The following BICD1 variants were observed in gnomAD, a reference collection of about 807,000 sequenced individuals.
BICD1 encodes protein bicaudal D homolog 1.
Under a neutral mutation model 92.5 loss-of-function variants are expected in BICD1, and 35 were observed. That is an observed-to-expected ratio of 0.38 (90% CI 0.29 to 0.50). The LOEUF (loss-of-function observed/expected upper bound fraction) is 0.50, where lower values mean the gene tolerates loss of function less well. Among genes scored for constraint, BICD1 ranks in the 20% least tolerant of loss-of-function variants. BICD1 has a pLI of 0.93. For missense variants in BICD1, 950 were observed against 1,189.8 expected (o/e 0.80, Z 2.97); for synonymous variants, 429 against 465.1 (o/e 0.92, Z 1.00).
intron 1 of BICD1, chr12:32,108,379 C>T (rs1388395313): frequency 1.4e-5 from 4 of 279,532 alleles, no homozygotes; most frequent in Non-Finnish European, 2.7e-5. Flanking sequence ...TAAAGCCTGT[C>T]GGATGTATGG....
chr12:32,337,386 A>T lies in BICD1; in HGVS notation c.2253-113A>T. 2 of 921,188 alleles carry T rather than the reference A, an allele frequency of 2.2e-6. No homozygotes were observed. Among genetic ancestry groups the T allele is most frequent in the Non-Finnish European group, 3.3e-6 (2 of 607,718 alleles). 57.1% of individuals were successfully genotyped at this position (921,188 alleles called of 1,614,324 possible). ...ATCTACATTCTATTGCTAGACCTTTAAACCAGTCTTCTAAATTTCTAAATT... is the reference window on the plus strand; with the variant it reads ...ATCTACATTCTATTGCTAGACCTTTTAACCAGTCTTCTAAATTTCTAAATT... On this transcript the variant is annotated intron_variant, in intron 6 of 9. Coordinates refer to ENST00000652176, the MANE Select transcript of BICD1 (RefSeq NM_001714.4). The surrounding 1 kb of genome is among the most constrained non-coding windows in gnomAD (Gnocchi z 4.7).
chr12:32,315,294 T>G (rs1165674589), intron 4 of BICD1, among the ~76,000 whole-genome samples: 2 of 152,230 alleles, frequency 1.3e-5, no homozygotes, highest in Non-Finnish European at 2.9e-5. Flanking sequence ...TGGGCTTATT[T>G]CTAGACTTTC....
At chr12:32,368,435 C>T (rs1395283932) in intron 9 of BICD1, among the ~76,000 whole-genome samples, 1 of 152,136 alleles carries the variant, frequency 6.6e-6, no homozygotes, top group African/African-American at 2.4e-5. Context: ...TGGCTCACAC[C>T]CGTAATCCCA....
intron 1 of BICD1, among the ~76,000 whole-genome samples, chr12:32,142,424 A>C (rs1384248424): frequency 0.012 from 292 of 25,044 alleles, 3 homozygotes; most frequent in African/African-American, 0.048. Context: ...AAAAAAAAAA[A>C]AAAAAAACAA....
intron 1 of BICD1, among the ~76,000 whole-genome samples, chr12:32,147,518 T>C (rs1247800436): frequency 1.3e-5 from 2 of 152,236 alleles, no homozygotes; most frequent in Non-Finnish European, 2.9e-5. Context: ...TAAAGTTAAA[T>C]GATCTGTGAT....
At chr12:32,251,978 A>C (rs980426749) in intron 2 of BICD1, among the ~76,000 whole-genome samples, 8 of 134,684 alleles carry the variant, frequency 5.9e-5, no homozygotes, top group African/African-American at 2.0e-4. Flanking sequence ...AAACTTTACC[A>C]CTATATATAT....
chr12:32,180,796 A>G (rs541286944), intron 1 of BICD1, among the ~76,000 whole-genome samples: 20 of 152,058 alleles, frequency 1.3e-4, no homozygotes, highest in Admixed American at 1.2e-3. Context: ...AGATTATCTC[A>G]TTTAACCCTG....
intron 1 of BICD1, among the ~76,000 whole-genome samples, chr12:32,198,326 C>CATATATATATATATATA: frequency 8.9e-6 from 1 of 112,250 alleles, no homozygotes; most frequent in East Asian, 2.6e-4. Context: ...TAATATGCAT[C>CATATATATATATATATA]TATCTATATA....
intron 1 of BICD1, among the ~76,000 whole-genome samples, chr12:32,149,887 C>A (rs953312439): frequency 2.0e-5 from 3 of 152,170 alleles, no homozygotes; most frequent in Admixed American, 2.0e-4. Context: ...ACTTGTAATA[C>A]TATCGTATTC....
intron 1 of BICD1, among the ~76,000 whole-genome samples, chr12:32,161,174 A>T (rs1307923276): frequency 1.3e-5 from 2 of 152,232 alleles, no homozygotes; most frequent in African/African-American, 4.8e-5. Context: ...AAAAGATCTT[A>T]GCCTGAAAAC....
At chr12:32,317,532 G>T (rs1007762863) in intron 4 of BICD1, among the ~76,000 whole-genome samples, 3 of 152,048 alleles carry the variant, frequency 2.0e-5, no homozygotes, top group Non-Finnish European at 4.4e-5. Context: ...TTCATATCCT[G>T]CACCCACTTT....
chr12:32,221,331 C>T (rs916075049), intron 2 of BICD1, among the ~76,000 whole-genome samples: 5 of 147,934 alleles, frequency 3.4e-5, no homozygotes, highest in Admixed American at 6.8e-5. Flanking sequence ...AATTAATAAA[C>T]GTTATCTGTA....
At position 32,245,855 on chromosome 12, in the gene BICD1, C is replaced by A. The variant is rs189489170; in HGVS notation, c.426+29396C>A. On this transcript the variant is annotated intron_variant, in intron 2 of 9. Coordinates refer to ENST00000652176, the MANE Select transcript of BICD1 (RefSeq NM_001714.4). ...GACCAGTCTGGCCAACATAGTGAAA[C>A]CCCTTCTCTACTAAAAATACAAAAA... Among the ~76,000 whole-genome samples the A allele has an allele frequency of 3.7e-4, 56 of 150,948 alleles. No homozygotes were observed. In the East Asian group the frequency reaches 0.01, roughly 28 times the overall value.
intron 2 of BICD1, among the ~76,000 whole-genome samples, chr12:32,292,351 T>C (rs1037906458): frequency 2.0e-5 from 3 of 152,206 alleles, no homozygotes; most frequent in Non-Finnish European, 4.4e-5. Context: ...TGTCAGTTTC[T>C]GTGTGGCTGA....
intron 2 of BICD1, among the ~76,000 whole-genome samples, chr12:32,265,781 C>T (rs1013517285): frequency 4.6e-5 from 7 of 151,540 alleles, no homozygotes; most frequent in African/African-American, 1.5e-4. Flanking sequence ...TGTTGAAGAG[C>T]TTCTGCTGGA....
intron 1 of BICD1, among the ~76,000 whole-genome samples, chr12:32,182,265 TC>T (rs1944291560): frequency 7.9e-6 from 1 of 125,864 alleles, no homozygotes; most frequent in African/African-American, 2.8e-5. Flanking sequence ...CTTTTTTCTT[TC>T]TTTCTTTCTT....
At chr12:32,252,141 AT>A (rs60203208) in intron 2 of BICD1, among the ~76,000 whole-genome samples, 1 of 119,264 alleles carries the variant, frequency 8.4e-6, no homozygotes, top group Non-Finnish European at 1.6e-5. Context: ...AATATTATAT[AT>A]TATATATTAC....
rs186857076 is a variant in BICD1 at position 32,235,794 on chromosome 12, A to G, written c.426+19335A>G. 5.8e-4 allele frequency among the ~76,000 whole-genome samples: 86 copies of G among 149,034 alleles called. 1 individual carries two copies. Among genetic ancestry groups the G allele is most frequent in the Middle Eastern group, 3.5e-3 (1 of 288 alleles). On this transcript the variant is annotated intron_variant, in intron 2 of 9. Transcript: ENST00000652176. Reference sequence around the variant, plus strand: ...TGGCTCACTGCAACCTCCGCCTCCCAGGTTCAAGTGATTCTCCTGCCTCAG... The same window carrying G: ...TGGCTCACTGCAACCTCCGCCTCCCGGGTTCAAGTGATTCTCCTGCCTCAG...
At chr12:32,173,747 T>C (rs1944019235) in intron 1 of BICD1, among the ~76,000 whole-genome samples, 1 of 152,228 alleles carries the variant, frequency 6.6e-6, no homozygotes, top group Non-Finnish European at 1.5e-5. Context: ...TTTTCATCTC[T>C]GAAAAAGTAT....
Sources: gnomAD v4.1 joint callset for allele counts (sites outside exome capture counted in the v4.1 genomes callset) on GRCh38, gnomAD v4.1.1 for gene constraint, Gnocchi (gnomAD v3.1) non-coding constraint, MANE v1.5 for transcripts, NCBI Gene and HGNC (gene_info 2026-07-23, HGNC 2026-07-21) for gene names.